DARS2: variants seen among roughly 807,000 people sequenced by gnomAD.
The protein encoded by DARS2 is aspartate--tRNA ligase, mitochondrial.
A neutral mutation model predicts 83.0 loss-of-function variants in DARS2; 63 were observed. The observed-to-expected ratio is 0.76, with a 90% CI of 0.62 to 0.94. DARS2 has a LOEUF of 0.94. Among genes scored for constraint, DARS2 ranks in the 40% least tolerant of loss-of-function variants. DARS2 has a pLI of 0.00. For missense variants in DARS2, 675 were observed against 774.4 expected, an observed-to-expected ratio of 0.87 and a Z score of 1.52; for synonymous variants, 250 against 269.3, an observed-to-expected ratio of 0.93 and a Z score of 0.70.
chr1:173,842,289 T>TG (rs1653254600), intron 11 of DARS2, among the ~76,000 whole-genome samples: 1 of 42,718 alleles, frequency 2.3e-5, no homozygotes, highest in African/African-American at 1.2e-4. Flanking sequence ...ACTTTCTTTT[T>TG]TTTTTTTTTT....
At chr1:173,829,753 C>G (rs1652725125) in intron 3 of DARS2, among the ~76,000 whole-genome samples, 1 of 152,092 alleles carries the variant, frequency 6.6e-6, no homozygotes, top group African/African-American at 2.4e-5. Flanking sequence ...ACTAAAAATA[C>G]AAAAATTTAG....
intron 12 of DARS2, among the ~76,000 whole-genome samples, chr1:173,848,860 T>C (rs1653540867): frequency 6.6e-6 from 1 of 152,216 alleles, no homozygotes; most frequent in African/African-American, 2.4e-5. Context: ...GATTTTGACC[T>C]CATCATTTTT....
chr1:173,826,871 G>T, intron 2 of DARS2, 85 bp downstream of exon 2: 2 of 1,036,928 alleles, frequency 1.9e-6, no homozygotes, highest in Non-Finnish European at 3.0e-6. Context: ...CAACCAGTCC[G>T]AAGAATAAAA....
At chr1:173,838,982 G>T (rs874343) in intron 9 of DARS2, among the ~76,000 whole-genome samples, 2 of 152,070 alleles carry the variant, frequency 1.3e-5, no homozygotes, top group African/African-American at 2.4e-5. Flanking sequence ...TGATCCACCC[G>T]CCTCGGCCTC....
intron 12 of DARS2, among the ~76,000 whole-genome samples, chr1:173,849,829 C>T (rs1200959095): frequency 6.6e-6 from 1 of 151,542 alleles, no homozygotes; most frequent in East Asian, 1.9e-4. Context: ...ATTCTTCATC[C>T]CCTCCCCCTT....
intron 4 of DARS2, 113 bp from the exon 5 acceptor site, chr1:173,831,422 A>G: frequency 3.5e-6 from 3 of 851,192 alleles, no homozygotes; most frequent in Non-Finnish European, 6.2e-6. Flanking sequence ...ACTATACACT[A>G]TAAGGACTTT....
At chr1:173,853,250 C>A in intron 13 of DARS2, 99 bp from the exon 14 acceptor site, 1 of 1,177,504 alleles carries the variant, frequency 8.5e-7, no homozygotes, top group Non-Finnish European at 1.3e-6. Context: ...ATTGGCTAAT[C>A]CTTTCCTAGA....
At chr1:173,829,763 G>A (rs2102637575) in intron 3 of DARS2, among the ~76,000 whole-genome samples, 1 of 152,196 alleles carries the variant, frequency 6.6e-6, no homozygotes, top group East Asian at 1.9e-4. Flanking sequence ...CAAAAATTTA[G>A]CCGGGTGTGG....
rs760091257 is a variant in DARS2 at position 173,839,358 on chromosome 1, T to C, written c.841-9T>C. 7 of 1,613,918 alleles carry C rather than the reference T, an allele frequency of 4.3e-6. No individual in the cohort carries two copies. The highest frequency in any genetic ancestry group is 8.5e-7 in the Non-Finnish European group (1 of 1,179,774). On this transcript the variant is annotated splice_polypyrimidine_tract_variant and intron_variant, in intron 9 of 16. Coordinates refer to ENST00000649689, the MANE Select transcript of DARS2 (RefSeq NM_018122.5). ...CTAAATTAGTTTCCATATGGTACTTTGGTTTCAGATTGACATAGAGATGTC... is the reference window on the plus strand; with the variant it reads ...CTAAATTAGTTTCCATATGGTACTTCGGTTTCAGATTGACATAGAGATGTC...
At chr1:173,828,270 C>A in intron 2 of DARS2, 63 bp from the exon 3 acceptor site, 1 of 1,515,186 alleles carries the variant, frequency 6.6e-7, no homozygotes. Context: ...ATTTTGTATG[C>A]TTCAACTTTG....
chr1:173,855,949 C>A (rs2102664868), intron 15 of DARS2, among the ~76,000 whole-genome samples: 1 of 152,112 alleles, frequency 6.6e-6, no homozygotes, highest in South Asian at 2.1e-4. Flanking sequence ...GTGTGAGCCA[C>A]CACACCTGGC....
chr1:173,828,537 G>A, intron 3 of DARS2, 138 bp downstream of exon 3: 3 of 847,224 alleles, frequency 3.5e-6, no homozygotes, highest in Non-Finnish European at 5.6e-6. Flanking sequence ...TATAAGCAAT[G>A]TTAAGACATA....
Position 173,826,806 on chromosome 1 carries a change from C to G in DARS2, c.227+20C>G, listed in dbSNP as rs1218886653. 5 of 1,538,766 alleles carry G rather than the reference C, an allele frequency of 3.2e-6. No homozygotes were observed. In the African/African-American group the frequency reaches 4.1e-5, roughly 13 times the overall value. ...CCGAAGGTAAATTGAGAAAGACAGT[C>G]TAAGAATGCATGGTGGTGGTTTTCC... On this transcript the variant is annotated intron_variant, in intron 2 of 16. Transcript: ENST00000649689.
At chr1:173,833,797 T>G (rs956662420) in intron 6 of DARS2, among the ~76,000 whole-genome samples, 12 of 151,998 alleles carry the variant, frequency 7.9e-5, no homozygotes, top group Admixed American at 5.2e-4. Flanking sequence ...AGACGGAGTT[T>G]TGCTCTGGCT....
intron 9 of DARS2, 73 bp downstream of exon 9, chr1:173,838,332 C>T (rs888850029): frequency 3.6e-6 from 4 of 1,104,248 alleles, no homozygotes; most frequent in Non-Finnish European, 5.5e-6. Flanking sequence ...AAGACCAGTG[C>T]AGTATTAATA....
chr1:173,828,214 A>G lies in DARS2; in HGVS notation c.228-119A>G, dbSNP rs891166270. ...AAAAACATGAAAAATTATAATTATC[A>G]TAAAAAAGAAACATGAAAAATTGCA... On this transcript the variant is annotated intron_variant, in intron 2 of 16. Coordinates refer to ENST00000649689, the MANE Select transcript of DARS2 (RefSeq NM_018122.5). 9 of 996,176 alleles carry G rather than the reference A, an allele frequency of 9.0e-6. No homozygotes were observed. In the Admixed American group the frequency reaches 1.9e-4, roughly 21 times the overall value. The allele number at this position is 996,176 out of a possible 1,614,324, so 61.7% of individuals were successfully genotyped here.
chr1:173,826,005 G>T (rs1652530942), intron 1 of DARS2, among the ~76,000 whole-genome samples: 1 of 151,082 alleles, frequency 6.6e-6, no homozygotes, highest in Admixed American at 6.6e-5. Flanking sequence ...GGCGGATCAC[G>T]AGGTCAGGAG....
chr1:173,827,673 C>T lies in DARS2; in HGVS notation c.228-660C>T, dbSNP rs144897691. 2.9e-3 allele frequency among the ~76,000 whole-genome samples: 435 copies of T among 152,136 alleles called. 1 individual carries two copies. The highest frequency in any genetic ancestry group is 4.8e-3 in the Non-Finnish European group (328 of 67,998). The stretch of plus-strand genomic sequence containing the variant: ...TTGTCCCAAGTAGGTGGATATTTTT[C>T]CCATAAGTTTAGTGACTGTTTCCTG... On this transcript the variant is annotated intron_variant, in intron 2 of 16. Transcript: ENST00000649689.
At chr1:173,850,158 A>G (rs1653595234) in intron 12 of DARS2, among the ~76,000 whole-genome samples, 169 bp from the exon 13 acceptor site, 1 of 151,954 alleles carries the variant, frequency 6.6e-6, no homozygotes, top group Non-Finnish European at 1.5e-5. Flanking sequence ...AGCCTACTTT[A>G]TAAAATTCCC....
Sources: gnomAD v4.1 joint callset for allele counts (sites outside exome capture counted in the v4.1 genomes callset) on GRCh38, gnomAD v4.1.1 for gene constraint, MANE v1.5 for transcripts, NCBI Gene and HGNC (gene_info 2026-07-23, HGNC 2026-07-21) for gene names.